Variants in IL18RAP observed in about 807,000 individuals in gnomAD.
The protein encoded by IL18RAP is interleukin-18 receptor accessory protein.
A neutral mutation model predicts 58.1 loss-of-function variants in IL18RAP; 37 were observed. The observed-to-expected ratio is 0.64, with a 90% confidence interval of 0.49 to 0.84. IL18RAP has a LOEUF of 0.84. Ranked by LOEUF, IL18RAP falls within the 40% of genes least tolerant of loss-of-function variation. The probability of loss-of-function intolerance (pLI) is 0.00; values close to 1 mark genes in which losing one functional copy is unlikely to be tolerated. For synonymous variants in IL18RAP, 268 were observed against 257.5 expected (o/e 1.04, Z -0.39); for missense variants, 667 against 704.8 (o/e 0.95, Z 0.61).
intron 1 of IL18RAP, among the ~76,000 whole-genome samples, 174 bp downstream of exon 1, chr2:102,423,521 A>G (rs961263851): frequency 2.0e-5 from 3 of 152,162 alleles, no homozygotes; most frequent in Non-Finnish European, 2.9e-5. Context: ...GATACCAAGC[A>G]TTGTCGAGGT....
intron 8 of IL18RAP, among the ~76,000 whole-genome samples, chr2:102,449,854 C>T (rs899560577): frequency 1.3e-5 from 2 of 152,194 alleles, no homozygotes; most frequent in Admixed American, 1.3e-4. Context: ...CCCCACAAGT[C>T]TCATCCTTCC....
At chr2:102,449,512 A>G (rs1368190234) in intron 8 of IL18RAP, among the ~76,000 whole-genome samples, 7 of 152,180 alleles carry the variant, frequency 4.6e-5, no homozygotes, top group African/African-American at 7.2e-5. Flanking sequence ...TTGCAAAGAC[A>G]ATGTTTTTAG....
chr2:102,450,856 G>A lies in IL18RAP; in HGVS notation c.1219G>A (p.Asp407Asn), dbSNP rs1683718662. Reference sequence around the variant, plus strand: ...ATTTTCCTATTCTTCAGATAAAAAGGATTTTGATGCTTTCGTATCCTATGC... The same window carrying A: ...ATTTTCCTATTCTTCAGATAAAAAGAATTTTGATGCTTTCGTATCCTATGC... The part of the protein sequence containing the change: ...SKDQTLGDKK[D>N]FDAFVSYAKW... The change falls in exon 9 of 10, where the codon GAT (aspartate) becomes AAT (asparagine). Residue 407 changes from aspartate to asparagine, a missense_variant. Coordinates refer to ENST00000687160, the MANE Select transcript of IL18RAP (RefSeq NM_001393487.1). The A allele has an allele frequency of 1.9e-6, 3 of 1,574,036 alleles. No homozygotes were observed. Among genetic ancestry groups the A allele is most frequent in the Non-Finnish European group, 1.7e-6 (2 of 1,166,108 alleles).
At chr2:102,432,476 A>G (rs1341640376) in intron 3 of IL18RAP, 1 of 154,408 alleles carries the variant, frequency 6.5e-6, no homozygotes, top group Non-Finnish European at 1.5e-5. Flanking sequence ...TGTTGTTAGA[A>G]TGTGTAGTTG....
At chr2:102,450,729 A>C in intron 8 of IL18RAP, 119 bp from the exon 9 acceptor site, 45 of 510,908 alleles carry the variant, frequency 8.8e-5, no homozygotes, top group South Asian at 1.6e-4. Flanking sequence ...CAATTTAGTC[A>C]GGATCCCAAA....
intron 4 of IL18RAP, chr2:102,439,793 A>T (rs764340826): frequency 2.6e-5 from 4 of 152,256 alleles, no homozygotes; most frequent in Non-Finnish European, 5.9e-5. Context: ...ACTTTTAGTC[A>T]TCCAAGTCAT....
intron 6 of IL18RAP, among the ~76,000 whole-genome samples, chr2:102,444,862 A>G (rs1414830045): frequency 6.6e-6 from 1 of 152,226 alleles, no homozygotes; most frequent in Non-Finnish European, 1.5e-5. Context: ...GGACTGATAC[A>G]TAGTAAACCT....
chr2:102,432,524 T>C (rs1682446712), intron 3 of IL18RAP, among the ~76,000 whole-genome samples: 1 of 152,186 alleles, frequency 6.6e-6, no homozygotes, highest in Non-Finnish European at 1.5e-5. Context: ...CAAAGTTAGT[T>C]ATCTGGGATT....
intron 3 of IL18RAP, chr2:102,434,256 T>G (rs1682586350): frequency 6.6e-6 from 1 of 152,232 alleles, no homozygotes; most frequent in Non-Finnish European, 1.5e-5. Context: ...GTTTTAGCTT[T>G]GGGACAGCCT....
chr2:102,422,729 C>T (rs1464984494), upstream of IL18RAP, among the ~76,000 whole-genome samples: 3 of 152,068 alleles, frequency 2.0e-5, no homozygotes, highest in Non-Finnish European at 4.4e-5. Context: ...AGGTAGGTGG[C>T]CTCTATTCTC....
At chr2:102,446,363 G>C (rs1683414832) in intron 7 of IL18RAP, among the ~76,000 whole-genome samples, 1 of 152,032 alleles carries the variant, frequency 6.6e-6, no homozygotes, top group Non-Finnish European at 1.5e-5. Flanking sequence ...TCTTCAATCT[G>C]AAAATCTTTA....
chr2:102,449,111 T>C (rs1456412124), intron 8 of IL18RAP, among the ~76,000 whole-genome samples: 1 of 151,082 alleles, frequency 6.6e-6, no homozygotes, highest in Non-Finnish European at 1.5e-5. Flanking sequence ...TTACTAAAAA[T>C]ACAAAATGTA....
chr2:102,443,200 G>A lies in IL18RAP; in HGVS notation c.797G>A (p.Gly266Glu). The A allele has an allele frequency of 6.2e-7, 1 of 1,607,706 alleles. No individual in the cohort carries two copies. ...PVEDTLEVEL[G>E]KPLTISCKAR... ...TTTTCTCTGGCCTCTTCATTTTCAG[G>A]AAAGCCTTTAACTATTAGCTGCAAA... is the stretch of plus-strand genomic sequence containing the variant. The change falls in exon 6 of 10, where the codon GGA becomes GAA. Residue 266 changes from glycine (G) to glutamate (E), a missense_variant and splice_region_variant. Coordinates refer to ENST00000687160, the MANE Select transcript of IL18RAP (RefSeq NM_001393487.1).
At chr2:102,423,710 G>A (rs1044017953) in intron 1 of IL18RAP, 101 bp from the exon 2 acceptor site, 15 of 850,460 alleles carry the variant, frequency 1.8e-5, no homozygotes, top group Non-Finnish European at 2.8e-5. Context: ...AGACACACAA[G>A]GAAGCTAGAT....
chr2:102,425,944 G>C (rs1681911496), intron 3 of IL18RAP, among the ~76,000 whole-genome samples: 1 of 152,132 alleles, frequency 6.6e-6, no homozygotes, highest in Non-Finnish European at 1.5e-5. Flanking sequence ...TGTGTTTAAT[G>C]GTGAACAGGC....
At chr2:102,427,962 A>G (rs1573267500) in intron 3 of IL18RAP, among the ~76,000 whole-genome samples, 1 of 144,022 alleles carries the variant, frequency 6.9e-6, no homozygotes, top group African/African-American at 2.6e-5. Context: ...TCCTTTCCCC[A>G]TTGTGTGTTC....
At chr2:102,425,801 T>TGAGC (rs1195437498) in intron 3 of IL18RAP, among the ~76,000 whole-genome samples, 2 of 152,180 alleles carry the variant, frequency 1.3e-5, no homozygotes, top group East Asian at 3.9e-4. Context: ...ACTTTTCAGG[T>TGAGC]GAGCACAAGT....
intron 3 of IL18RAP, among the ~76,000 whole-genome samples, chr2:102,427,646 T>C (rs1472735375): frequency 6.6e-6 from 1 of 152,096 alleles, no homozygotes; most frequent in African/African-American, 2.4e-5. Flanking sequence ...AGCTTGTAAA[T>C]ATTTTCCCCA....
chr2:102,447,930 C>T (rs1188738839), intron 8 of IL18RAP, among the ~76,000 whole-genome samples: 4 of 152,102 alleles, frequency 2.6e-5, no homozygotes, highest in Non-Finnish European at 4.4e-5. Flanking sequence ...TGCTGGGTTT[C>T]ACCATGTTGG....
Sources: gnomAD v4.1 joint callset for allele counts (sites outside exome capture counted in the v4.1 genomes callset) on GRCh38, gnomAD v4.1.1 for gene constraint, MANE v1.5 for transcripts, NCBI Gene and HGNC (gene_info 2026-07-23, HGNC 2026-07-21) for gene names.